BRINP2: variants seen among roughly 807,000 people sequenced by gnomAD.
BRINP2 encodes BMP/retinoic acid-inducible neural-specific protein 2.
BRINP2 carries 21 observed loss-of-function variants against 69.2 expected under a neutral mutation model. The observed-to-expected ratio is 0.30, with a 90% CI of 0.22 to 0.44. BRINP2 has a LOEUF of 0.44. Among genes scored for constraint, BRINP2 ranks in the 20% least tolerant of loss-of-function variants. The pLI is 1.00. For missense variants in BRINP2, 877 were observed against 986.0 expected, an observed-to-expected ratio of 0.89 and a Z score of 1.48; for synonymous variants, 380 against 394.1, an observed-to-expected ratio of 0.96 and a Z score of 0.42.
At chr1:177,185,527 T>C (rs1181464287) in intron 1 of BRINP2, among the ~76,000 whole-genome samples, 3 of 152,202 alleles carry the variant, frequency 2.0e-5, no homozygotes, top group Admixed American at 1.3e-4. Flanking sequence ...ACTAACCATG[T>C]GGGATATCTT....
chr1:177,183,550 T>C (rs938927878), intron 1 of BRINP2, among the ~76,000 whole-genome samples: 1 of 152,126 alleles, frequency 6.6e-6, no homozygotes, highest in Non-Finnish European at 1.5e-5. Context: ...CCTCAGGTAA[T>C]GGAGTCAGAT....
chr1:177,225,997 A>G (rs944350759), intron 1 of BRINP2, among the ~76,000 whole-genome samples: 3 of 152,274 alleles, frequency 2.0e-5, no homozygotes, highest in African/African-American at 4.8e-5. Context: ...TGATACTCCT[A>G]TAACCAGGCA....
At chr1:177,193,762 G>A (rs530541461) in intron 1 of BRINP2, among the ~76,000 whole-genome samples, 19 of 152,278 alleles carry the variant, frequency 1.2e-4, no homozygotes, top group Admixed American at 1.2e-3. Context: ...CACTGTTGGG[G>A]CATTTATAGA....
chr1:177,179,321 G>A (rs138612645), intron 1 of BRINP2, among the ~76,000 whole-genome samples: 1 of 152,270 alleles, frequency 6.6e-6, no homozygotes, highest in East Asian at 1.9e-4. Context: ...TCTAGAGTTG[G>A]ATCTGGGAAT....
chr1:177,183,137 CTTTTTT>C (rs71129597), intron 1 of BRINP2, among the ~76,000 whole-genome samples: 8 of 54,286 alleles, frequency 1.5e-4, no homozygotes, highest in Admixed American at 2.5e-4. Flanking sequence ...AGTGTGTGAG[CTTTTTT>C]TTTTTTTTTT....
intron 1 of BRINP2, among the ~76,000 whole-genome samples, chr1:177,176,213 A>G (rs961168517): frequency 1.3e-5 from 2 of 152,142 alleles, no homozygotes; most frequent in Non-Finnish European, 2.9e-5. Flanking sequence ...ACAATTTGAT[A>G]CCTCACAGGA....
chr1:177,186,325 TA>T (rs1553268006), intron 1 of BRINP2, among the ~76,000 whole-genome samples: 1 of 151,722 alleles, frequency 6.6e-6, no homozygotes, highest in Non-Finnish European at 1.5e-5. Flanking sequence ...CTAATCATAA[TA>T]CAAAAAAGAA....
chr1:177,195,953 C>A (rs1648733634), intron 1 of BRINP2, among the ~76,000 whole-genome samples: 4 of 152,116 alleles, frequency 2.6e-5, no homozygotes, highest in African/African-American at 9.7e-5. Flanking sequence ...TGCCTCAAAG[C>A]ATTTGTAAAG....
At chr1:177,280,377 T>C (rs776789362) in intron 7 of BRINP2, 35 bp from the exon 8 acceptor site, 33 of 1,550,892 alleles carry the variant, frequency 2.1e-5, no homozygotes, top group Middle Eastern at 1.7e-4. Flanking sequence ...GTGACTTCTT[T>C]TGACTCTTAC....
chr1:177,281,413 G>A lies in BRINP2; in HGVS notation c.2237G>A (p.Arg746Gln), dbSNP rs140690261. 156 of 1,614,006 alleles carry A rather than the reference G, an allele frequency of 9.7e-5. 2 individuals are homozygous for A. In the South Asian group the frequency reaches 1.1e-3, roughly 11 times the overall value. The change falls in exon 8 of 8, where the codon CGG (arginine) becomes CAG (glutamine). Residue 746 changes from arginine to glutamine, a missense_variant. Around this residue, in one of 3 missense-constraint regions of BRINP2, gnomAD observed 225 missense variants for 218.7 expected, o/e 1.03. Coordinates refer to ENST00000361539, the MANE Select transcript of BRINP2 (RefSeq NM_021165.4). ...CTTGACCTTTTCTCCTGCTTGCTCCGGCATCGGCTTAAGCTGGCCAACAAT... is the reference window on the plus strand; with the variant it reads ...CTTGACCTTTTCTCCTGCTTGCTCCAGCATCGGCTTAAGCTGGCCAACAAT... ...VRLDLFSCLL[R>Q]HRLKLANNEV...
intron 4 of BRINP2, among the ~76,000 whole-genome samples, chr1:177,267,263 A>G (rs530822691): frequency 1.3e-5 from 2 of 152,352 alleles, no homozygotes; most frequent in African/African-American, 4.8e-5. Context: ...GAACTTGGAA[A>G]AGTATGGTCA....
chr1:177,175,205 T>C (rs1368252657), intron 1 of BRINP2, among the ~76,000 whole-genome samples: 1 of 152,078 alleles, frequency 6.6e-6, no homozygotes, highest in Non-Finnish European at 1.5e-5. Flanking sequence ...CCCATGTACA[T>C]AACCTCTTGT....
chr1:177,275,896 G>A (rs1248917777), intron 5 of BRINP2, among the ~76,000 whole-genome samples: 4 of 152,204 alleles, frequency 2.6e-5, no homozygotes, highest in South Asian at 2.1e-4. Flanking sequence ...ATGCTGATGT[G>A]TAGCCAATAA....
chr1:177,191,098 C>T (rs1335479130), intron 1 of BRINP2, among the ~76,000 whole-genome samples: 4 of 152,158 alleles, frequency 2.6e-5, no homozygotes, highest in African/African-American at 9.7e-5. Context: ...AGTATGATGT[C>T]TTTATTAGCT....
chr1:177,207,687 C>T (rs940871955), intron 1 of BRINP2, among the ~76,000 whole-genome samples: 5 of 152,092 alleles, frequency 3.3e-5, no homozygotes, highest in South Asian at 2.1e-4. Context: ...TGTCAGTTGC[C>T]GACATGGTGG....
chr1:177,242,481 C>T (rs1335025483), intron 2 of BRINP2, among the ~76,000 whole-genome samples: 2 of 152,084 alleles, frequency 1.3e-5, no homozygotes, highest in Non-Finnish European at 2.9e-5. Context: ...CTGTGTCTTT[C>T]CATAACCCAT....
At chr1:177,179,518 A>G (rs772421936) in intron 1 of BRINP2, among the ~76,000 whole-genome samples, 2 of 152,210 alleles carry the variant, frequency 1.3e-5, no homozygotes, top group Admixed American at 1.3e-4. Flanking sequence ...GTTAAGACAT[A>G]TCTCAGAAGG....
chr1:177,247,466 G>T (rs1369280266), intron 2 of BRINP2, among the ~76,000 whole-genome samples: 3 of 152,188 alleles, frequency 2.0e-5, no homozygotes, highest in African/African-American at 2.4e-5. Context: ...TATGTCCTTG[G>T]CTTGAGGCCA....
At chr1:177,276,611 A>T (rs1651503430) in intron 6 of BRINP2, among the ~76,000 whole-genome samples, 177 bp downstream of exon 6, 2 of 152,044 alleles carry the variant, frequency 1.3e-5, no homozygotes, top group Admixed American at 1.3e-4. Flanking sequence ...AAGTGGTTTC[A>T]TTTTTTTCTA....
Sources: gnomAD v4.1 joint callset for allele counts (sites outside exome capture counted in the v4.1 genomes callset) on GRCh38, gnomAD v4.1.1 for gene constraint, gnomAD v4.1.1 regional missense constraint, MANE v1.5 for transcripts, NCBI Gene and HGNC (gene_info 2026-07-23, HGNC 2026-07-21) for gene names.